RUBCN: variants seen among roughly 807,000 people sequenced by gnomAD.
RUBCN encodes run domain Beclin-1-interacting and cysteine-rich domain-containing protein.
In RUBCN, 74 loss-of-function variants were observed where a neutral mutation model predicts 113.2. That is an observed-to-expected ratio of 0.65 (90% CI 0.54 to 0.79). The LOEUF (loss-of-function observed/expected upper bound fraction) is 0.79, where lower values mean the gene tolerates loss of function less well. RUBCN is among the 30% of genes least tolerant of loss of function. RUBCN has a pLI of 0.00. For synonymous variants in RUBCN, 480 were observed against 490.0 expected (o/e 0.98, Z 0.27); for missense variants, 1,109 against 1,251.7 (o/e 0.89, Z 1.72).
intron 1 of RUBCN, among the ~76,000 whole-genome samples, chr3:197,724,470 T>C (rs764450417): frequency 5.3e-5 from 8 of 152,126 alleles, no homozygotes; most frequent in Non-Finnish European, 1.0e-4. Context: ...AGGTAAGAAA[T>C]AGATACTGGT....
At chr3:197,716,564 A>G (rs1265258066) in intron 2 of RUBCN, among the ~76,000 whole-genome samples, 2 of 152,262 alleles carry the variant, frequency 1.3e-5, no homozygotes, top group African/African-American at 4.8e-5. Context: ...ACTAAGATTC[A>G]GAAGGAAAAG....
At chr3:197,686,916 GA>G (rs780584863) in intron 11 of RUBCN, among the ~76,000 whole-genome samples, 1 of 152,048 alleles carries the variant, frequency 6.6e-6, no homozygotes, top group African/African-American at 2.4e-5. Context: ...ATTACTGACT[GA>G]AAAAAGTTTA....
intron 9 of RUBCN, among the ~76,000 whole-genome samples, chr3:197,695,142 C>T (rs1438981414): frequency 2.8e-4 from 36 of 126,960 alleles, no homozygotes; most frequent in African/African-American, 5.6e-4. Flanking sequence ...CCAGACGCAG[C>T]GGCTCACACC....
intron 2 of RUBCN, among the ~76,000 whole-genome samples, chr3:197,717,719 GCAA>G (rs1725703990): frequency 6.6e-6 from 1 of 152,190 alleles, no homozygotes; most frequent in South Asian, 2.1e-4. Flanking sequence ...ACTTGTTACA[GCAA>G]CAATAGGAAA....
exon 1 of RUBCN, chr3:197,749,637 C>A (rs1728921824): frequency 1.1e-6 from 1 of 951,038 alleles, no homozygotes; most frequent in Non-Finnish European, 1.5e-6. Flanking sequence ...TCACTGAAGG[C>A]ATAAGATTCA....
intron 18 of RUBCN, chr3:197,676,093 G>T: frequency 1.6e-6 from 1 of 640,700 alleles, no homozygotes; most frequent in Non-Finnish European, 2.0e-6. Context: ...ATAACGACGT[G>T]CGTTTGAGGA....
chr3:197,741,393 A>G (rs753838499), upstream of RUBCN, among the ~76,000 whole-genome samples: 1 of 152,356 alleles, frequency 6.6e-6, no homozygotes, highest in Admixed American at 6.5e-5. Context: ...AGGCATATAT[A>G]AAGCTTATAG....
At chr3:197,698,259 C>A (rs887368579) in intron 7 of RUBCN, among the ~76,000 whole-genome samples, 1 of 152,262 alleles carries the variant, frequency 6.6e-6, no homozygotes, top group Non-Finnish European at 1.5e-5. Context: ...GATGGTCCTA[C>A]AGACTTTATT....
Position 197,674,875 on chromosome 3 carries a change from G to GTA in RUBCN, c.*142_*143insTA. The stretch of plus-strand genomic sequence containing the variant: ...CTGACTGCACACAGACGTCAGACAA[G>GTA]TCAGTAAAAAAAAAAAAAAAGATGA... On this transcript the variant is annotated 3_prime_UTR_variant, in exon 20 of 20. Transcript: ENST00000296343. 5.2e-5 allele frequency: 34 copies of GTA among 648,612 alleles called. No individual in the cohort carries two copies. Among genetic ancestry groups the GTA allele is most frequent in the Admixed American group, 2.1e-4 (5 of 23,708 alleles). The allele number at this position is 648,612 out of a possible 1,614,324, so 40.2% of individuals were successfully genotyped here.
At chr3:197,731,139 C>T (rs1177065817) in intron 1 of RUBCN, among the ~76,000 whole-genome samples, 4 of 151,742 alleles carry the variant, frequency 2.6e-5, no homozygotes, top group Non-Finnish European at 4.4e-5. Flanking sequence ...GAGGACCCTG[C>T]GGCCTTCCGC....
intron 1 of RUBCN, among the ~76,000 whole-genome samples, chr3:197,725,904 T>C (rs919956697): frequency 9.2e-5 from 14 of 152,130 alleles, no homozygotes; most frequent in African/African-American, 2.4e-4. Context: ...TGCCCAGTAC[T>C]CCTCAGGTTA....
At chr3:197,728,742 G>T (rs1434447471) in intron 1 of RUBCN, among the ~76,000 whole-genome samples, 3 of 152,144 alleles carry the variant, frequency 2.0e-5, no homozygotes, top group African/African-American at 7.2e-5. Context: ...ACGTAATGGG[G>T]GAAATGGACA....
chr3:197,701,661 C>A (rs777227637), intron 6 of RUBCN, 47 bp downstream of exon 6: 2 of 1,586,660 alleles, frequency 1.3e-6, no homozygotes, highest in African/African-American at 2.7e-5. Context: ...TTCTTACTTT[C>A]CAGGGCTGGG....
Position 197,736,783 on chromosome 3 carries a change from T to G in RUBCN, c.-64A>C. On this transcript the variant is annotated 5_prime_UTR_variant, in exon 1 of 20. Coordinates refer to ENST00000296343, the MANE Select transcript of RUBCN (RefSeq NM_014687.4). ...TCCCTGCCGCTTCGCCCTTCAGGGC[T>G]CCCGGGGCCCCCTGGGGCCGGAGGA... 1 of 1,504,494 alleles carries G rather than the reference T, an allele frequency of 6.6e-7. No individual in the cohort carries two copies. The highest frequency in any genetic ancestry group is 1.2e-5 in the South Asian group (1 of 81,134). The allele number at this position is 1,504,494 out of a possible 1,614,324, so 93.2% of individuals were successfully genotyped here.
At chr3:197,731,616 G>GT (rs1164114254) in intron 1 of RUBCN, among the ~76,000 whole-genome samples, 1 of 148,110 alleles carries the variant, frequency 6.8e-6, no homozygotes, top group African/African-American at 2.5e-5. Flanking sequence ...GGCTGGCCGG[G>GT]CGGGGCCTGA....
rs1443092709 is a variant in RUBCN, at chr3:197,703,504, C to A, written c.570+44G>T. 3 of 1,357,090 alleles carry A rather than the reference C, an allele frequency of 2.2e-6. No individual in the cohort carries two copies. The East Asian group carries it at 7.0e-5, about 32-fold the overall frequency. 84.1% of individuals were successfully genotyped at this position (1,357,090 alleles called of 1,614,324 possible). On this transcript the variant is annotated intron_variant, in intron 5 of 19. Transcript: ENST00000296343. ...GTAGAGGGCTACATCCTGCTGAGCT[C>A]CAGGGACCCAGCATAGACGTGGATA...
In RUBCN at chr3:197,716,168, C is replaced by T. The variant is rs73210127; in HGVS notation, c.219+1809G>A. Among the ~76,000 whole-genome samples the T allele has an allele frequency of 9.9e-3, 1,505 of 152,346 alleles. 11 individuals carry two copies. Among genetic ancestry groups the T allele is most frequent in the Non-Finnish European group, 0.013 (917 of 68,038 alleles). ...TGTGAGATACAGTCTCACCCTGTCG[C>T]TCAGGCTGGAGCGCGGTGGCACGGT... On this transcript the variant is annotated intron_variant, in intron 2 of 19. Transcript: ENST00000296343.
At chr3:197,700,358 C>T (rs887569970) in intron 7 of RUBCN, 3 of 580,114 alleles carry the variant, frequency 5.2e-6, no homozygotes, top group Non-Finnish European at 9.1e-6. Flanking sequence ...TCACGCTATC[C>T]TCTGATGTTA....
In RUBCN at chr3:197,683,561, T is replaced by C. The variant is rs73891690; in HGVS notation, c.1848-122A>G. 28,377 of 1,071,408 alleles carry C rather than the reference T, an allele frequency of 0.026. 3,282 individuals carry two copies. In the African/African-American group the frequency reaches 0.31, roughly 12 times the overall value. 66.4% of individuals were successfully genotyped at this position (1,071,408 alleles called of 1,614,324 possible). A position where few individuals can be genotyped will look rare whatever the true frequency, so the allele number is the denominator to read the frequency against. ...GGCTGGAAGAACACCCGCAGCACCC[T>C]GGCCTGCTCATCACCCTCACACATG... On this transcript the variant is annotated intron_variant, in intron 12 of 19. Transcript: ENST00000296343. The surrounding 1 kb of genome is among the most constrained non-coding windows in gnomAD (Gnocchi z 4.6).
Sources: gnomAD v4.1 joint callset for allele counts (sites outside exome capture counted in the v4.1 genomes callset) on GRCh38, gnomAD v4.1.1 for gene constraint, Gnocchi (gnomAD v3.1) non-coding constraint, MANE v1.5 for transcripts, NCBI Gene and HGNC (gene_info 2026-07-23, HGNC 2026-07-21) for gene names.